Variants in EPC2 observed in about 807,000 individuals in gnomAD.
EPC2 encodes the protein enhancer of polycomb homolog 2.
In EPC2, 14 loss-of-function variants were observed where a neutral mutation model predicts 92.1. That is an observed-to-expected ratio of 0.15 (90% CI 0.10 to 0.24). The LOEUF is 0.24. Among genes scored for constraint, EPC2 ranks in the 10% least tolerant of loss-of-function variants. The pLI is 1.00. For missense variants in EPC2, 755 were observed against 971.5 expected (o/e 0.78, Z 2.96); for synonymous variants, 340 against 334.7 (o/e 1.02, Z -0.17).
chr2:148,764,617 A>G (rs2105425509), intron 6 of EPC2, among the ~76,000 whole-genome samples: 1 of 152,306 alleles, frequency 6.6e-6, no homozygotes, highest in Non-Finnish European at 1.5e-5. Context: ...ATAGTGGTTA[A>G]TTTTTATCAA....
At chr2:148,753,904 G>C (rs1358996261) in intron 3 of EPC2, 23 bp from the exon 4 acceptor site, 1 of 1,585,982 alleles carries the variant, frequency 6.3e-7, no homozygotes, top group Non-Finnish European at 8.6e-7. Flanking sequence ...TGTAGCCAAT[G>C]ACATTTTGTA....
chr2:148,710,649 A>G (rs1682118776), intron 2 of EPC2, among the ~76,000 whole-genome samples: 1 of 151,864 alleles, frequency 6.6e-6, no homozygotes, highest in Non-Finnish European at 1.5e-5. Flanking sequence ...CATATACACC[A>G]TGGAATACTA....
rs895998569 is a variant in EPC2, at chr2:148,787,518, G to A, written c.*1141G>A. On this transcript the variant is annotated 3_prime_UTR_variant, in exon 14 of 14. Coordinates refer to ENST00000258484, the MANE Select transcript of EPC2 (RefSeq NM_015630.4). ...GTTCAGACAACTTTCCCTGTTACTT[G>A]TTCTTGATAAGTGAAAACTGCAGGG... 4 of 152,546 alleles carry A rather than the reference G, an allele frequency of 2.6e-5. No individual in the cohort carries two copies. The highest frequency in any genetic ancestry group is 9.7e-5 in the African/African-American group (4 of 41,402). 9.4% of individuals were successfully genotyped at this position (152,546 alleles called of 1,614,324 possible). A position where few individuals can be genotyped will look rare whatever the true frequency, so the allele number is the denominator to read the frequency against.
At chr2:148,736,152 A>G (rs1180163406) in intron 2 of EPC2, among the ~76,000 whole-genome samples, 1 of 152,204 alleles carries the variant, frequency 6.6e-6, no homozygotes, top group African/African-American at 2.4e-5. Context: ...AAGAGAAACA[A>G]TGAAAAATTA....
intron 2 of EPC2, among the ~76,000 whole-genome samples, chr2:148,732,691 A>AT (rs1682661245): frequency 6.6e-6 from 1 of 151,862 alleles, no homozygotes; most frequent in East Asian, 1.9e-4. Context: ...ATTTTTGTCT[A>AT]TTTTTAATAT....
chr2:148,726,488 A>T (rs914923461), intron 2 of EPC2, among the ~76,000 whole-genome samples: 2 of 152,100 alleles, frequency 1.3e-5, no homozygotes, highest in Non-Finnish European at 2.9e-5. Context: ...TGTTAGTTTG[A>T]TAGTGGCCAT....
intron 2 of EPC2, chr2:148,691,394 C>T (rs1049746034): frequency 1.1e-6 from 1 of 949,854 alleles, no homozygotes; most frequent in South Asian, 1.6e-5. Flanking sequence ...GACAACCTAC[C>T]TGTATGAGAA....
chr2:148,752,921 G>A (rs1683107044), intron 3 of EPC2, among the ~76,000 whole-genome samples: 1 of 152,060 alleles, frequency 6.6e-6, no homozygotes, highest in Non-Finnish European at 1.5e-5. Flanking sequence ...AAGTACTAGG[G>A]AAACATTTCT....
chr2:148,685,991 G>A lies in EPC2; in HGVS notation c.154-4223G>A, dbSNP rs563120338. Among the ~76,000 whole-genome samples the A allele has an allele frequency of 4.7e-4, 71 of 152,310 alleles. 2 individuals carry two copies. In the South Asian group the frequency reaches 0.015, roughly 32 times the overall value. ...GGCTAGACTGATCAGGGTAATGTTTGCTAAAGGTTAGGTGGCTGTGGAAGT... is the reference window on the plus strand; with the variant it reads ...GGCTAGACTGATCAGGGTAATGTTTACTAAAGGTTAGGTGGCTGTGGAAGT... On this transcript the variant is annotated intron_variant, in intron 1 of 13. Coordinates refer to ENST00000258484, the MANE Select transcript of EPC2 (RefSeq NM_015630.4).
chr2:148,730,290 A>G (rs1413944183), intron 2 of EPC2, among the ~76,000 whole-genome samples: 1 of 152,184 alleles, frequency 6.6e-6, no homozygotes, highest in Non-Finnish European at 1.5e-5. Flanking sequence ...AGCAAAGGAG[A>G]TTATGGTGCT....
chr2:148,648,142 G>C (rs1350500621), intron 1 of EPC2, among the ~76,000 whole-genome samples: 1 of 152,192 alleles, frequency 6.6e-6, no homozygotes, highest in Non-Finnish European at 1.5e-5. Flanking sequence ...TAAAAGTGGA[G>C]ATTCTTAAAA....
At chr2:148,785,833 G>A (rs1043799144) in intron 13 of EPC2, among the ~76,000 whole-genome samples, 8 of 151,944 alleles carry the variant, frequency 5.3e-5, no homozygotes, top group African/African-American at 1.5e-4. Flanking sequence ...ACTAATACAA[G>A]GAGAACAATG....
At chr2:148,686,162 A>G (rs1488564425) in intron 1 of EPC2, among the ~76,000 whole-genome samples, 2 of 152,214 alleles carry the variant, frequency 1.3e-5, no homozygotes, top group African/African-American at 4.8e-5. Flanking sequence ...CCTGCTTATC[A>G]ACTTTGTATA....
chr2:148,769,331 G>T (rs1683473328), intron 8 of EPC2, 91 bp downstream of exon 8: 3 of 855,648 alleles, frequency 3.5e-6, no homozygotes, highest in Non-Finnish European at 5.7e-6. Context: ...CTAAAAATGG[G>T]AAATGCATCA....
chr2:148,775,088 CA>C (rs67806541), intron 10 of EPC2, among the ~76,000 whole-genome samples: 84,083 of 120,446 alleles, frequency 0.7, 28,745 homozygotes, highest in Non-Finnish European at 0.77. Context: ...GACTCCCTCT[CA>C]AAAAAAAAAA....
intron 2 of EPC2, among the ~76,000 whole-genome samples, chr2:148,725,112 TTA>T (rs1371603734): frequency 2.6e-5 from 4 of 152,130 alleles, no homozygotes; most frequent in Admixed American, 6.5e-5. Flanking sequence ...TTAAGAATCT[TTA>T]TGTCTTAGAG....
At chr2:148,716,511 A>G (rs1421731051) in intron 2 of EPC2, among the ~76,000 whole-genome samples, 1 of 152,104 alleles carries the variant, frequency 6.6e-6, no homozygotes, top group Non-Finnish European at 1.5e-5. Context: ...AGTTCTGTTT[A>G]TGTGATGAAT....
At chr2:148,682,646 A>G (rs1205116469) in intron 1 of EPC2, among the ~76,000 whole-genome samples, 4 of 152,112 alleles carry the variant, frequency 2.6e-5, no homozygotes, top group African/African-American at 7.2e-5. Flanking sequence ...TGGTTTCTAC[A>G]AGGGCCTTCT....
chr2:148,770,608 T>C (rs1683497517), intron 8 of EPC2, among the ~76,000 whole-genome samples, 184 bp from the exon 9 acceptor site: 1 of 152,342 alleles, frequency 6.6e-6, no homozygotes, highest in South Asian at 2.1e-4. Flanking sequence ...AGTGAACTTT[T>C]GATTCAATTT....
Sources: allele counts gnomAD v4.1 joint callset (sites outside exome capture counted in the v4.1 genomes callset), GRCh38; gene constraint gnomAD v4.1.1; transcripts MANE v1.5; gene names NCBI Gene and HGNC (gene_info 2026-07-23, HGNC 2026-07-21).